CPED1: variants seen among roughly 807,000 people sequenced by gnomAD.
CPED1 encodes the protein cadherin-like and PC-esterase domain-containing protein 1.
A neutral mutation model predicts 128.2 loss-of-function variants in CPED1; 114 were observed. The ratio of observed to expected loss-of-function variants is 0.89; its 90% CI spans 0.76 to 1.04. The LOEUF is 1.04. CPED1 is among the 50% of genes least tolerant of loss of function. CPED1 has a pLI of 0.00. For missense variants in CPED1, 1,211 were observed against 1,207.1 expected (o/e 1.00, Z -0.05); for synonymous variants, 462 against 426.7 (o/e 1.08, Z -1.02).
intron 16 of CPED1, among the ~76,000 whole-genome samples, chr7:121,228,749 A>G (rs996158574): frequency 1.3e-4 from 20 of 152,080 alleles, no homozygotes; most frequent in Admixed American, 5.9e-4. Context: ...ATAAGTGCCT[A>G]TCAGTGGATG....
chr7:121,144,079 T>C (rs2116376876), intron 16 of CPED1, among the ~76,000 whole-genome samples: 1 of 152,166 alleles, frequency 6.6e-6, no homozygotes, highest in Non-Finnish European at 1.5e-5. Flanking sequence ...ACCCTTGTAC[T>C]CTGTTTGTGG....
At chr7:121,007,393 G>A (rs1792050039) in intron 2 of CPED1, among the ~76,000 whole-genome samples, 1 of 151,960 alleles carries the variant, frequency 6.6e-6, no homozygotes, top group Non-Finnish European at 1.5e-5. Context: ...AAACATTGAG[G>A]TTACCCAGGA....
chr7:120,992,649 A>G (rs1201440402), intron 2 of CPED1, among the ~76,000 whole-genome samples: 1 of 152,214 alleles, frequency 6.6e-6, no homozygotes, highest in Non-Finnish European at 1.5e-5. Context: ...ATATTAGAAC[A>G]AGTGTTTCAG....
intron 7 of CPED1, among the ~76,000 whole-genome samples, chr7:121,118,898 C>T (rs1018085105): frequency 1.3e-5 from 2 of 152,098 alleles, no homozygotes; most frequent in Non-Finnish European, 2.9e-5. Flanking sequence ...AAGAACAGCA[C>T]CAAGCCACGA....
At chr7:121,248,898 T>C (rs548805755) in intron 18 of CPED1, among the ~76,000 whole-genome samples, 88 of 152,280 alleles carry the variant, frequency 5.8e-4, no homozygotes, top group African/African-American at 2.1e-3. Context: ...TCATCAAGAT[T>C]CAACAGAAAG....
At chr7:121,182,036 C>T (rs188293627) in intron 16 of CPED1, among the ~76,000 whole-genome samples, 251 of 152,124 alleles carry the variant, frequency 1.6e-3, no homozygotes, top group Admixed American at 2.8e-3. Context: ...TATCAGCTGT[C>T]ACACAAGCTT....
rs539242359 is a variant in CPED1 at position 121,120,966 on chromosome 7, T to TAAA, written c.919-3346_919-3344dup. Among the ~76,000 whole-genome samples the TAAA allele has an allele frequency of 2.5e-4, 23 of 91,664 alleles. 2 individuals are homozygous for TAAA. The highest frequency in any genetic ancestry group is 2.9e-4 in the Admixed American group (2 of 6,986). The allele number at this position is 91,664 out of a possible 152,430, so 60.1% of individuals were successfully genotyped here. ...AGATAAAATAGGACAGTTCCTGACCTAAAAAAAAAAAAAAAAAAAAACAAA... is the reference window on the plus strand; with the variant it reads ...AGATAAAATAGGACAGTTCCTGACCTAAAAAAAAAAAAAAAAAAAAAAAACAAA... On this transcript the variant is annotated intron_variant, in intron 7 of 22. Transcript: ENST00000310396.
At chr7:121,053,467 T>C (rs1352357775) in intron 4 of CPED1, among the ~76,000 whole-genome samples, 2 of 152,234 alleles carry the variant, frequency 1.3e-5, no homozygotes, top group African/African-American at 4.8e-5. Context: ...CTTCTCAGTG[T>C]AAAATATCAA....
At chr7:121,184,299 A>C (rs1314467457) in intron 16 of CPED1, among the ~76,000 whole-genome samples, 1 of 152,144 alleles carries the variant, frequency 6.6e-6, no homozygotes, top group Non-Finnish European at 1.5e-5. Flanking sequence ...GAGTGTCTTA[A>C]GTTGCTGAAA....
At chr7:121,192,484 T>A (rs745617389) in intron 16 of CPED1, among the ~76,000 whole-genome samples, 3 of 152,072 alleles carry the variant, frequency 2.0e-5, no homozygotes, top group Non-Finnish European at 4.4e-5. Context: ...TATGCATGAG[T>A]GTACATGCTG....
chr7:121,294,602 G>T (rs1005492699), intron 22 of CPED1, among the ~76,000 whole-genome samples: 1 of 152,024 alleles, frequency 6.6e-6, no homozygotes, highest in African/African-American at 2.4e-5. Context: ...TTGGAAAAGG[G>T]TGATTCAGAG....
At chr7:121,028,398 G>A (rs1254813487) in intron 3 of CPED1, among the ~76,000 whole-genome samples, 2 of 152,122 alleles carry the variant, frequency 1.3e-5, no homozygotes, top group Admixed American at 1.3e-4. Context: ...GCCTTGCCAG[G>A]ACCCTGAATC....
At chr7:121,170,328 A>T (rs1273763594) in intron 16 of CPED1, among the ~76,000 whole-genome samples, 1 of 152,038 alleles carries the variant, frequency 6.6e-6, no homozygotes, top group East Asian at 1.9e-4. Flanking sequence ...GCCTTGGTTT[A>T]ATCATTTTTA....
chr7:121,035,341 A>G (rs1377182735), intron 3 of CPED1, among the ~76,000 whole-genome samples: 1 of 152,364 alleles, frequency 6.6e-6, no homozygotes, highest in Non-Finnish European at 1.5e-5. Context: ...AAGACTAGCT[A>G]GAAGACTTTG....
intron 16 of CPED1, among the ~76,000 whole-genome samples, chr7:121,183,857 G>A (rs941007742): frequency 4.6e-5 from 7 of 152,208 alleles, no homozygotes; most frequent in Admixed American, 3.9e-4. Context: ...GGTAGAGAAC[G>A]ACTGTTTTCC....
At chr7:121,014,005 C>T (rs1792229206) in intron 2 of CPED1, among the ~76,000 whole-genome samples, 1 of 152,172 alleles carries the variant, frequency 6.6e-6, no homozygotes, top group Admixed American at 6.5e-5. Flanking sequence ...AATGTAATTT[C>T]CTTTCGTGAG....
Position 121,086,488 on chromosome 7 carries a change from A to C in CPED1, c.617-11211A>C, listed in dbSNP as rs546870597. On this transcript the variant is annotated intron_variant, in intron 5 of 22. Transcript: ENST00000310396. ...TATGTAGAATATGGCTCATGAGGGA[A>C]AGTATACAAACTGGAAAGAAAACAA... Among the ~76,000 whole-genome samples the C allele has an allele frequency of 1.7e-3, 263 of 152,316 alleles. 1 individual carries two copies. The highest frequency in any genetic ancestry group is 6.1e-3 in the African/African-American group (252 of 41,564).
chr7:121,108,887 C>T (rs1019924440), intron 7 of CPED1, among the ~76,000 whole-genome samples: 2 of 152,048 alleles, frequency 1.3e-5, no homozygotes, highest in Non-Finnish European at 2.9e-5. Context: ...AAGACCTAAA[C>T]TTTTTTCCTT....
intron 16 of CPED1, among the ~76,000 whole-genome samples, chr7:121,152,670 A>C (rs1043946520): frequency 6.6e-6 from 1 of 152,248 alleles, no homozygotes; most frequent in African/African-American, 2.4e-5. Context: ...ATATTTTAAA[A>C]GAGACAGATA....
Sources: allele counts gnomAD v4.1 joint callset (sites outside exome capture counted in the v4.1 genomes callset), GRCh38; gene constraint gnomAD v4.1.1; transcripts MANE v1.5; gene names NCBI Gene and HGNC (gene_info 2026-07-23, HGNC 2026-07-21).